PPP2CA: variants seen among roughly 807,000 people sequenced by gnomAD.
PPP2CA encodes serine/threonine-protein phosphatase 2A catalytic subunit alpha isoform.
Under a neutral mutation model 38.8 loss-of-function variants are expected in PPP2CA, and 5 were observed. The observed-to-expected ratio is 0.13, with a 90% CI of 0.07 to 0.27. The LOEUF is 0.27. Ranked by LOEUF, PPP2CA falls within the 10% of genes least tolerant of loss-of-function variation. The pLI is 1.00. For missense variants in PPP2CA, 88 were observed against 389.7 expected (o/e 0.23, Z 6.52); for synonymous variants, 152 against 134.0 (o/e 1.13, Z -0.93).
intron 1 of PPP2CA, among the ~76,000 whole-genome samples, chr5:134,213,483 C>G (rs1659818206): frequency 6.8e-6 from 1 of 147,816 alleles, no homozygotes; most frequent in South Asian, 2.1e-4. Flanking sequence ...AACCCCATCT[C>G]TACAAAAAAA....
At chr5:134,211,640 ATTT>A (rs57235538) in intron 1 of PPP2CA, among the ~76,000 whole-genome samples, 10 of 141,268 alleles carry the variant, frequency 7.1e-5, no homozygotes, top group Admixed American at 7.0e-5. Context: ...CTCCCAGCTA[ATTT>A]TTTTTTTTTT....
Position 134,223,324 on chromosome 5 carries a change from C to T in PPP2CA, c.102+2436G>A, listed in dbSNP as rs1288054625. On this transcript the variant is annotated intron_variant, in intron 1 of 6. Coordinates refer to ENST00000481195, the MANE Select transcript of PPP2CA (RefSeq NM_002715.4). ...CACAAATATTAACAGTGAAAGACAG[C>T]TTTTGTTTTACTAGAAAGACTTGTA... is the stretch of plus-strand genomic sequence containing the variant. Among the ~76,000 whole-genome samples the T allele has an allele frequency of 3.3e-5, 5 of 152,144 alleles. 1 individual carries two copies. Among genetic ancestry groups the T allele is most frequent in the Non-Finnish European group, 5.9e-5 (4 of 68,008 alleles).
intron 1 of PPP2CA, 175 bp downstream of exon 1, chr5:134,225,585 G>A (rs1429115843): frequency 1.9e-6 from 1 of 519,726 alleles, no homozygotes; most frequent in African/African-American, 2.0e-5. Context: ...CCCTGCGCGG[G>A]AGGCAGGGGG....
In PPP2CA at chr5:134,225,875, C is replaced by T. The variant is rs758882466; in HGVS notation, c.-14G>A. On this transcript the variant is annotated 5_prime_UTR_variant, in exon 1 of 7. Transcript: ENST00000481195. Reference sequence around the variant, plus strand: ...CTTCTCGTCCATGATGCCACCCGCCCCAGCCGGCTGCCGCTCCGCGCTGCT... The same window carrying T: ...CTTCTCGTCCATGATGCCACCCGCCTCAGCCGGCTGCCGCTCCGCGCTGCT... 3.1e-6 allele frequency: 5 copies of T among 1,602,660 alleles called. No homozygotes were observed. The highest frequency in any genetic ancestry group is 2.2e-5 in the South Asian group (2 of 90,814).
At chr5:134,222,525 G>A (rs1465245409) in intron 1 of PPP2CA, among the ~76,000 whole-genome samples, 1 of 149,878 alleles carries the variant, frequency 6.7e-6, no homozygotes, top group African/African-American at 2.5e-5. Flanking sequence ...AGCATACCTA[G>A]GTAAAGAACT....
At position 134,196,772 on chromosome 5, in the gene PPP2CA, G is replaced by C. The variant is rs1761860517; in HGVS notation, c.*1000C>G. On this transcript the variant is annotated 3_prime_UTR_variant, in exon 7 of 7. Coordinates refer to ENST00000481195, the MANE Select transcript of PPP2CA (RefSeq NM_002715.4). The stretch of plus-strand genomic sequence containing the variant: ...CTGTTTTATTAAAACAAAACCCAAA[G>C]ACTTAAATCTCAAGTTATATGGTTT... 6.6e-6 allele frequency: 1 copy of C among 152,256 alleles called. No homozygotes were observed. Among genetic ancestry groups the C allele is most frequent in the East Asian group, 1.9e-4 (1 of 5,186 alleles). The allele number at this position is 152,256 out of a possible 1,614,324, so 9.4% of individuals were successfully genotyped here.
chr5:134,222,207 AAT>A (rs941614942), intron 1 of PPP2CA, among the ~76,000 whole-genome samples: 33 of 152,222 alleles, frequency 2.2e-4, no homozygotes, highest in African/African-American at 7.9e-4. Context: ...AACTGAGAAC[AAT>A]ATCTTATAAA....
chr5:134,224,084 G>T (rs1343969201), intron 1 of PPP2CA, among the ~76,000 whole-genome samples: 1 of 152,080 alleles, frequency 6.6e-6, no homozygotes, highest in Non-Finnish European at 1.5e-5. Flanking sequence ...TCCTTTCCAC[G>T]TTTTCTTCAA....
At chr5:134,198,902 G>C (rs1328212878) in intron 6 of PPP2CA, among the ~76,000 whole-genome samples, 184 bp downstream of exon 6, 3 of 152,134 alleles carry the variant, frequency 2.0e-5, no homozygotes, top group Non-Finnish European at 4.4e-5. Flanking sequence ...TATGTATTCA[G>C]GCTGGGCACT....
intron 2 of PPP2CA, chr5:134,202,625 G>A (rs1244986406): frequency 1.3e-5 from 2 of 152,164 alleles, no homozygotes; most frequent in African/African-American, 4.8e-5. Flanking sequence ...TCTATTCACA[G>A]TTAAGATGAA....
chr5:134,206,520 A>T (rs1218666232), intron 1 of PPP2CA, among the ~76,000 whole-genome samples: 8 of 151,808 alleles, frequency 5.3e-5, no homozygotes, highest in Non-Finnish European at 1.2e-4. Flanking sequence ...TTTTTTTGAG[A>T]CAGGGTCTCA....
intron 6 of PPP2CA, among the ~76,000 whole-genome samples, chr5:134,198,387 C>T (rs1402451542): frequency 4.5e-5 from 5 of 111,890 alleles, no homozygotes; most frequent in Non-Finnish European, 7.7e-5. Context: ...AGTGAGACTC[C>T]GTCTCAAAAA....
rs187093508 is a variant in PPP2CA, at chr5:134,207,144, C to T, written c.103-1013G>A. Among the ~76,000 whole-genome samples the T allele has an allele frequency of 1.1e-3, 173 of 152,312 alleles. 1 individual carries two copies. The highest frequency in any genetic ancestry group is 4.1e-3 in the African/African-American group (170 of 41,566). ...CCCAGCCAGGCGCGGTGGCTCGCAC[C>T]TGTAATCCCAGCACTTTGGGAGGCC... On this transcript the variant is annotated intron_variant, in intron 1 of 6. Coordinates refer to ENST00000481195, the MANE Select transcript of PPP2CA (RefSeq NM_002715.4).
intron 1 of PPP2CA, among the ~76,000 whole-genome samples, chr5:134,223,677 C>T (rs1170472958): frequency 6.6e-6 from 1 of 152,206 alleles, no homozygotes; most frequent in African/African-American, 2.4e-5. Context: ...ACCCACCCCA[C>T]TCTAGCATCC....
chr5:134,216,558 G>GA (rs71892069), intron 1 of PPP2CA, among the ~76,000 whole-genome samples: 1 of 10,292 alleles, frequency 9.7e-5, no homozygotes, highest in African/African-American at 3.8e-4. Context: ...AAAAAAAAAA[G>GA]TGGTTTCCTT....
At chr5:134,210,400 A>G (rs769521556) in intron 1 of PPP2CA, among the ~76,000 whole-genome samples, 4 of 152,202 alleles carry the variant, frequency 2.6e-5, no homozygotes, top group Admixed American at 6.5e-5. Flanking sequence ...GTAAAGTCTC[A>G]TATCACCTGA....
intron 2 of PPP2CA, chr5:134,205,543 G>A (rs867199184): frequency 2.2e-4 from 19 of 87,618 alleles, no homozygotes; most frequent in Middle Eastern, 0.011. Context: ...CACCACCCCC[G>A]GCTAGTTTTT....
chr5:134,209,299 A>T (rs1354876341), intron 1 of PPP2CA, among the ~76,000 whole-genome samples: 1 of 151,982 alleles, frequency 6.6e-6, no homozygotes, highest in Non-Finnish European at 1.5e-5. Context: ...AAATCATCCA[A>T]TCAACTATTA....
intron 1 of PPP2CA, among the ~76,000 whole-genome samples, chr5:134,210,987 T>C (rs904838307): frequency 1.3e-5 from 2 of 152,248 alleles, no homozygotes; most frequent in African/African-American, 4.8e-5. Context: ...ATTCTCTTAG[T>C]AAGACCTTAT....
Sources: allele counts gnomAD v4.1 joint callset (sites outside exome capture counted in the v4.1 genomes callset), GRCh38; gene constraint gnomAD v4.1.1; transcripts MANE v1.5; gene names NCBI Gene and HGNC (gene_info 2026-07-23, HGNC 2026-07-21).